The following VPS37A variants were observed in gnomAD, a reference collection of about 807,000 sequenced individuals.
The protein encoded by VPS37A is vacuolar protein sorting-associated protein 37A.
In VPS37A, 30 loss-of-function variants were observed where a neutral mutation model predicts 49.8. The observed-to-expected ratio is 0.60, with a 90% CI of 0.45 to 0.82. The LOEUF (loss-of-function observed/expected upper bound fraction) is 0.82, where lower values mean the gene tolerates loss of function less well. VPS37A is among the 40% of genes least tolerant of loss of function. VPS37A has a pLI of 0.00. For synonymous variants in VPS37A, 195 were observed against 160.6 expected, an observed-to-expected ratio of 1.21 and a Z score of -1.62; for missense variants, 593 against 464.4, an observed-to-expected ratio of 1.28 and a Z score of -2.55.
chr8:17,254,928 C>T (rs1298273931), intron 1 of VPS37A, among the ~76,000 whole-genome samples: 1 of 152,104 alleles, frequency 6.6e-6, no homozygotes, highest in Non-Finnish European at 1.5e-5. Flanking sequence ...GCACTTGAAT[C>T]TTTTATTTGC....
chr8:17,297,746 CT>C lies in VPS37A; in HGVS notation c.*2762del, dbSNP rs140450759. The C allele has an allele frequency of 4.6e-5, 7 of 151,948 alleles. No individual in the cohort carries two copies. The East Asian group carries it at 1.4e-3, about 29-fold the overall frequency. 9.4% of individuals were successfully genotyped at this position (151,948 alleles called of 1,614,324 possible). On this transcript the variant is annotated 3_prime_UTR_variant, in exon 12 of 12. Transcript: ENST00000324849. The stretch of plus-strand genomic sequence containing the variant: ...TTAGTCTTGTTGGGGATATTTTAGT[CT>C]TGTTGGGTTAGCCATGCTCTGAAGA...
the VPS37A span, chr8:17,331,154 C>A: frequency 6.2e-7 from 1 of 1,609,896 alleles, no homozygotes; most frequent in Non-Finnish European, 8.5e-7. Context: ...GTTTACCTTC[C>A]AGCATTTTCT....
chr8:17,247,488 C>A, intron 1 of VPS37A, 119 bp downstream of exon 1: 1 of 1,392,474 alleles, frequency 7.2e-7, no homozygotes. Flanking sequence ...GTTTACCTCC[C>A]TTGGTTGTGG....
downstream of VPS37A, among the ~76,000 whole-genome samples, chr8:17,306,335 G>A (rs762400531): frequency 6.6e-5 from 10 of 151,880 alleles, no homozygotes; most frequent in African/African-American, 2.4e-4. Flanking sequence ...ACAACTTTAA[G>A]GCTCTTCATT....
At chr8:17,273,319 A>G (rs1001418665) in intron 4 of VPS37A, among the ~76,000 whole-genome samples, 9 of 152,148 alleles carry the variant, frequency 5.9e-5, no homozygotes, top group Non-Finnish European at 1.2e-4. Flanking sequence ...CTAGAAGTGT[A>G]ATGCACATTT....
chr8:17,319,224 C>G, the VPS37A span, among the ~76,000 whole-genome samples: 1 of 152,216 alleles, frequency 6.6e-6, no homozygotes, highest in East Asian at 1.9e-4. Flanking sequence ...GGGCTAGTTA[C>G]TGAGCCTCGC....
At chr8:17,320,437 G>C in the VPS37A span, among the ~76,000 whole-genome samples, 1 of 152,224 alleles carries the variant, frequency 6.6e-6, no homozygotes, top group East Asian at 1.9e-4. Context: ...CAAGGCAATT[G>C]GGAAGGGAGC....
chr8:17,289,431 G>C (rs751608908), intron 11 of VPS37A, among the ~76,000 whole-genome samples: 62 of 152,098 alleles, frequency 4.1e-4, no homozygotes, highest in Non-Finnish European at 7.2e-4. Flanking sequence ...TGGCTAGCCA[G>C]TTTTCCCAAC....
At chr8:17,319,130 A>T in the VPS37A span, among the ~76,000 whole-genome samples, 1 of 152,242 alleles carries the variant, frequency 6.6e-6, no homozygotes, top group African/African-American at 2.4e-5. Flanking sequence ...CATGGGCAAT[A>T]GCACGTAGCA....
chr8:17,323,064 C>G, the VPS37A span, among the ~76,000 whole-genome samples: 12 of 150,828 alleles, frequency 8.0e-5, no homozygotes, highest in African/African-American at 2.9e-4. Context: ...TCTCCTGCCT[C>G]AGCCTCCTGA....
chr8:17,291,571 T>G (rs1289422781), intron 11 of VPS37A, among the ~76,000 whole-genome samples: 1 of 151,990 alleles, frequency 6.6e-6, no homozygotes, highest in Non-Finnish European at 1.5e-5. Flanking sequence ...GATGTTAGGG[T>G]GTTGATTTTT....
At chr8:17,325,100 T>A in the VPS37A span, among the ~76,000 whole-genome samples, 1 of 152,122 alleles carries the variant, frequency 6.6e-6, no homozygotes, top group Non-Finnish European at 1.5e-5. Flanking sequence ...CGGAAGAATG[T>A]GTCGAGCAAA....
intron 4 of VPS37A, among the ~76,000 whole-genome samples, chr8:17,272,835 T>C (rs902388414): frequency 1.6e-5 from 2 of 124,664 alleles, no homozygotes; most frequent in African/African-American, 7.2e-5. Context: ...TAAAGGAGTA[T>C]AGAGTGAAAA....
Position 17,295,490 on chromosome 8 carries a change from C to G in VPS37A, c.*504C>G, listed in dbSNP as rs918142645. On this transcript the variant is annotated 3_prime_UTR_variant, in exon 12 of 12. Coordinates refer to ENST00000324849, the MANE Select transcript of VPS37A (RefSeq NM_152415.3). ...AAGATATTCATAGTGTTAGGAAACACCAAACCTGCCTATGTGCCATCTCAC... is the reference window on the plus strand; with the variant it reads ...AAGATATTCATAGTGTTAGGAAACAGCAAACCTGCCTATGTGCCATCTCAC... 3 of 152,542 alleles carry G rather than the reference C, an allele frequency of 2.0e-5. No homozygotes were observed. The highest frequency in any genetic ancestry group is 7.2e-5 in the African/African-American group (3 of 41,444). The allele number at this position is 152,542 out of a possible 1,614,324, so 9.4% of individuals were successfully genotyped here.
At chr8:17,255,462 C>A (rs1237111014) in intron 1 of VPS37A, among the ~76,000 whole-genome samples, 1 of 151,664 alleles carries the variant, frequency 6.6e-6, no homozygotes, top group African/African-American at 2.4e-5. Context: ...GCCTGGGCAA[C>A]GAGAGTGAGA....
At chr8:17,311,763 G>A in the VPS37A span, 5 of 1,426,530 alleles carry the variant, frequency 3.5e-6, no homozygotes, top group Non-Finnish European at 4.8e-6. Flanking sequence ...CTGTCCATTC[G>A]TCTGTTTAGG....
the VPS37A span, among the ~76,000 whole-genome samples, chr8:17,329,213 A>G: frequency 4.6e-5 from 7 of 152,174 alleles, no homozygotes; most frequent in Admixed American, 4.6e-4. Context: ...TAGCTGTTTG[A>G]AGGAGGAAAA....
intron 1 of VPS37A, among the ~76,000 whole-genome samples, chr8:17,259,798 A>G (rs1466553582): frequency 3.3e-5 from 5 of 152,078 alleles, no homozygotes; most frequent in Non-Finnish European, 5.9e-5. Context: ...TGCTTGCTGA[A>G]TTGACCCCTT....
intron 4 of VPS37A, 59 bp from the exon 5 acceptor site, chr8:17,274,674 C>T: frequency 1.4e-6 from 2 of 1,396,286 alleles, no homozygotes; most frequent in South Asian, 2.5e-5. Context: ...AATTTAGAAA[C>T]AATTTGACAT....
Sources: allele counts gnomAD v4.1 joint callset (sites outside exome capture counted in the v4.1 genomes callset), GRCh38; gene constraint gnomAD v4.1.1; transcripts MANE v1.5; gene names NCBI Gene and HGNC (gene_info 2026-07-23, HGNC 2026-07-21).